DOCK9: variants seen among roughly 807,000 people sequenced by gnomAD.
DOCK9 encodes the protein dedicator of cytokinesis 9, also known as dedicator of cytokinesis protein 9.
DOCK9 carries 89 observed loss-of-function variants against 263.3 expected under a neutral mutation model. The ratio of observed to expected loss-of-function variants is 0.34; its 90% CI spans 0.28 to 0.40. The LOEUF is 0.40. Among genes scored for constraint, DOCK9 ranks in the 10% least tolerant of loss-of-function variants. The pLI, the probability that DOCK9 is intolerant of heterozygous loss-of-function variation, is 1.00. For synonymous variants in DOCK9, 976 were observed against 973.1 expected (o/e 1.00, Z -0.06); for missense variants, 2,140 against 2,603.4 (o/e 0.82, Z 3.87).
At chr13:99,019,972 T>C (rs1206829947) in intron 1 of DOCK9, among the ~76,000 whole-genome samples, 1 of 152,058 alleles carries the variant, frequency 6.6e-6, no homozygotes, top group Admixed American at 6.5e-5. Flanking sequence ...CATGGTGGTG[T>C]GCACCTGTAG....
intron 45 of DOCK9, among the ~76,000 whole-genome samples, chr13:98,813,569 C>A (rs1031950679): frequency 2.0e-5 from 3 of 152,216 alleles, no homozygotes; most frequent in South Asian, 2.1e-4. Context: ...ATAAACCCTA[C>A]GTGGTCATGA....
rs1204775168 is a variant in DOCK9 at position 98,923,317 on chromosome 13, C to T, written c.471G>A (p.Glu157=). The T allele has an allele frequency of 6.2e-7, 1 of 1,613,812 alleles. No individual in the cohort carries two copies. The highest frequency in any genetic ancestry group is 1.3e-5 in the African/African-American group (1 of 75,036). ...LPVHVYEVDE[E]VDKDEDAASL... Reference sequence around the variant, plus strand: ...GGTATCCCACCTCATCTTTGTCGACCTCCTCGTCAACTTCATAGACATGAA... The same window carrying T: ...GGTATCCCACCTCATCTTTGTCGACTTCCTCGTCAACTTCATAGACATGAA... Residue 157 remains glutamate, a synonymous_variant, in exon 5 of 53, where the codon GAG becomes GAA. Coordinates refer to ENST00000682017, the MANE Select transcript of DOCK9 (RefSeq NM_001366683.2).
At chr13:98,804,354 C>T (rs1202145089) in intron 49 of DOCK9, among the ~76,000 whole-genome samples, 1 of 152,252 alleles carries the variant, frequency 6.6e-6, no homozygotes, top group Non-Finnish European at 1.5e-5. Context: ...TGACTAGACA[C>T]TTGCCAGGGA....
chr13:98,912,758 G>T (rs1488168662), intron 9 of DOCK9, among the ~76,000 whole-genome samples: 1 of 151,982 alleles, frequency 6.6e-6, no homozygotes. Flanking sequence ...TCAACATTAG[G>T]CTCAAATAAC....
chr13:98,860,221 T>G (rs1309248917), intron 33 of DOCK9, 184 bp downstream of exon 33: 1 of 1,435,098 alleles, frequency 7.0e-7, no homozygotes, highest in Non-Finnish European at 9.2e-7. Context: ...ATCCGGGACC[T>G]TTATTTCAGG....
chr13:98,990,660 G>C (rs1265914713), intron 1 of DOCK9, among the ~76,000 whole-genome samples: 15 of 152,178 alleles, frequency 9.9e-5, no homozygotes, highest in Non-Finnish European at 1.6e-4. Context: ...TTATCTCAGG[G>C]ACACACATCC....
At chr13:98,904,728 A>G (rs776900045) in intron 9 of DOCK9, 22 bp from the exon 10 acceptor site, 4 of 1,540,418 alleles carry the variant, frequency 2.6e-6, no homozygotes, top group Admixed American at 4.0e-5. Context: ...ATACATGAAA[A>G]TTACATTTAA....
At chr13:98,875,522 T>C (rs1436068326) in intron 27 of DOCK9, among the ~76,000 whole-genome samples, 1 of 152,196 alleles carries the variant, frequency 6.6e-6, no homozygotes, top group East Asian at 1.9e-4. Context: ...TTTCTTCCAG[T>C]ATACCTGTGG....
intron 18 of DOCK9, 146 bp downstream of exon 18, chr13:98,888,012 T>C (rs1366047114): frequency 5.1e-5 from 31 of 611,412 alleles, no homozygotes; most frequent in Non-Finnish European, 8.5e-5. Context: ...TGAGTATATA[T>C]GTTTATACAT....
chr13:99,087,530 C>A (rs549363475), upstream of DOCK9, among the ~76,000 whole-genome samples: 147 of 152,308 alleles, frequency 9.7e-4, no homozygotes, highest in African/African-American at 3.4e-3. Context: ...GCAGAGCTGG[C>A]GGCCGCTAGC....
chr13:99,029,653 G>A, intron 1 of DOCK9, among the ~76,000 whole-genome samples: 1 of 152,180 alleles, frequency 6.6e-6, no homozygotes, highest in East Asian at 1.9e-4. Context: ...CTATTAGGAT[G>A]GCTAAAATTT....
chr13:98,862,749 C>T (rs1334810024), intron 32 of DOCK9, among the ~76,000 whole-genome samples: 1 of 151,948 alleles, frequency 6.6e-6, no homozygotes, highest in Non-Finnish European at 1.5e-5. Flanking sequence ...AGAACGAACA[C>T]CAAGTGAGGA....
intron 2 of DOCK9, among the ~76,000 whole-genome samples, chr13:98,951,914 T>TTTTTTTTTGG (rs2057467177): frequency 6.6e-6 from 1 of 151,332 alleles, no homozygotes; most frequent in African/African-American, 2.4e-5. Context: ...TTTTTTTTTT[T>TTTTTTTTTGG]GAGATGGAGT....
intron 1 of DOCK9, among the ~76,000 whole-genome samples, chr13:99,078,465 C>G (rs1478801858): frequency 2.6e-5 from 4 of 152,122 alleles, no homozygotes; most frequent in Non-Finnish European, 5.9e-5. Flanking sequence ...ATGGGGTGAG[C>G]CCTGAGAGGC....
chr13:98,937,372 A>G (rs2055033950), intron 2 of DOCK9, among the ~76,000 whole-genome samples: 1 of 152,244 alleles, frequency 6.6e-6, no homozygotes, highest in South Asian at 2.1e-4. Flanking sequence ...CAAGAAAGAA[A>G]AGGAAAAGAA....
intron 44 of DOCK9, 23 bp from the exon 45 acceptor site, chr13:98,824,527 C>G (rs1213386514): frequency 6.2e-7 from 1 of 1,607,756 alleles, no homozygotes; most frequent in Admixed American, 1.7e-5. Flanking sequence ...GAAGGAGGGA[C>G]AGTCAGAGTT....
intron 1 of DOCK9, chr13:99,086,093 T>C: frequency 7.7e-7 from 1 of 1,304,998 alleles, no homozygotes; most frequent in Non-Finnish European, 9.8e-7. Context: ...GCCCCACCTC[T>C]TGATTCCGCG....
chr13:98,915,294 T>G, intron 8 of DOCK9, 35 bp downstream of exon 8: 1 of 1,599,902 alleles, frequency 6.3e-7, no homozygotes, highest in East Asian at 2.2e-5. Context: ...ACCCACAGAG[T>G]GTGTATGTGC....
chr13:98,913,169 A>G lies in DOCK9; in HGVS notation c.960+1159T>C, dbSNP rs557535961. Among the ~76,000 whole-genome samples, 15 of 152,334 alleles carry G rather than the reference A, an allele frequency of 9.8e-5. No individual in the cohort carries two copies. In the East Asian group the frequency reaches 2.9e-3, roughly 29 times the overall value. ...TTGAGAACAGCCATGTTGTCTTAAAATAAAGGTCAATGCTGAATGCTGGTC... is the reference window on the plus strand; with the variant it reads ...TTGAGAACAGCCATGTTGTCTTAAAGTAAAGGTCAATGCTGAATGCTGGTC... On this transcript the variant is annotated intron_variant, in intron 9 of 52. Transcript: ENST00000682017.
Sources: allele counts gnomAD v4.1 joint callset (sites outside exome capture counted in the v4.1 genomes callset), GRCh38; gene constraint gnomAD v4.1.1; transcripts MANE v1.5; gene names NCBI Gene and HGNC (gene_info 2026-07-23, HGNC 2026-07-21).